SRP68: variants seen among roughly 807,000 people sequenced by gnomAD.
SRP68 encodes signal recognition particle 68.
In SRP68, 15 loss-of-function variants were observed where a neutral mutation model predicts 82.2. That is an observed-to-expected ratio of 0.18 (90% confidence interval 0.12 to 0.28). The LOEUF is 0.28. Ranked by LOEUF, SRP68 falls within the 10% of genes least tolerant of loss-of-function variation. The pLI is 1.00. For synonymous variants in SRP68, 261 were observed against 292.6 expected, an observed-to-expected ratio of 0.89 and a Z score of 1.10; for missense variants, 595 against 780.5, an observed-to-expected ratio of 0.76 and a Z score of 2.83.
chr17:76,050,323 C>T (rs569827240), intron 9 of SRP68, 105 bp downstream of exon 9: 3 of 773,212 alleles, frequency 3.9e-6, no homozygotes, highest in Non-Finnish European at 6.6e-6. Context: ...GAAACAGTGG[C>T]CAAGCGAGCA....
chr17:76,070,849 TGC>T (rs1491402434), intron 1 of SRP68, among the ~76,000 whole-genome samples: 9 of 69,708 alleles, frequency 1.3e-4, no homozygotes, highest in Non-Finnish European at 7.8e-5. Context: ...CACATGCACA[TGC>T]ACACACACAC....
chr17:76,046,250 A>T, intron 10 of SRP68, 56 bp from the exon 11 acceptor site: 2 of 1,516,094 alleles, frequency 1.3e-6, no homozygotes, highest in Non-Finnish European at 1.8e-6. Flanking sequence ...AGGAACTGGG[A>T]GGACTGGACT....
In SRP68 at chr17:76,039,016, C is replaced by T. The variant is rs1451419711; in HGVS notation, c.*690G>A. The T allele has an allele frequency of 1.5e-5, 3 of 203,732 alleles. No individual in the cohort carries two copies. Among genetic ancestry groups the T allele is most frequent in the African/African-American group, 2.3e-5 (1 of 43,680 alleles). The allele number at this position is 203,732 out of a possible 1,614,324, so 12.6% of individuals were successfully genotyped here. A position where few individuals can be genotyped will look rare whatever the true frequency, so the allele number is the denominator to read the frequency against. ...CTAGTTGCCGGTAAGTCAGGTTACA[C>T]TTGACCTCACCGGCTTCACGCAACT... On this transcript the variant is annotated 3_prime_UTR_variant, in exon 16 of 16. Coordinates refer to ENST00000307877, the MANE Select transcript of SRP68 (RefSeq NM_014230.4).
intron 15 of SRP68, among the ~76,000 whole-genome samples, 174 bp from the exon 16 acceptor site, chr17:76,040,107 G>A (rs892885714): frequency 6.6e-6 from 1 of 152,206 alleles, no homozygotes; most frequent in African/African-American, 2.4e-5. Flanking sequence ...TGTAGTCAAA[G>A]TCACTGAAAC....
rs1459841599 is a variant in SRP68, at chr17:76,042,106, G to A, written c.1525-1128C>T. On this transcript the variant is annotated intron_variant, in intron 13 of 15. Coordinates refer to ENST00000307877, the MANE Select transcript of SRP68 (RefSeq NM_014230.4). Reference sequence around the variant, plus strand: ...TCACTATGTTGGCCAGGATGGTCTCGATCTCCTGACCTCGTGATCTGCCCG... The same window carrying A: ...TCACTATGTTGGCCAGGATGGTCTCAATCTCCTGACCTCGTGATCTGCCCG... 3.9e-5 allele frequency among the ~76,000 whole-genome samples: 6 copies of A among 151,942 alleles called. No individual in the cohort carries two copies. The South Asian group carries it at 6.2e-4, about 16-fold the overall frequency.
At chr17:76,045,192 C>T in intron 12 of SRP68, 100 bp downstream of exon 12, 2 of 882,662 alleles carry the variant, frequency 2.3e-6, no homozygotes, top group South Asian at 3.1e-5. Context: ...TAACCATACA[C>T]TCAAGGCCAA....
intron 2 of SRP68, among the ~76,000 whole-genome samples, chr17:76,068,367 A>T (rs1472611106): frequency 1.3e-5 from 2 of 151,780 alleles, no homozygotes; most frequent in Non-Finnish European, 2.9e-5. Flanking sequence ...TGAGGCAGAG[A>T]ACTGCTTAAA....
rs750492998 is a variant in SRP68, at chr17:76,061,114, A to G, written c.750T>C (p.Asn250=). ...ISPNIRYCAY[N]IGDQSAINEL... is the part of the protein sequence containing the mutation. ...TGCCTTGATCCCTGCTCTCACCAATATTATATGCACAATAGCGGATGTTGG... is the reference window on the plus strand; with the variant it reads ...TGCCTTGATCCCTGCTCTCACCAATGTTATATGCACAATAGCGGATGTTGG... The change falls in exon 6 of 16, where the codon AAT becomes AAC. Residue 250 remains asparagine (N), a synonymous_variant. Coordinates refer to ENST00000307877, the MANE Select transcript of SRP68 (RefSeq NM_014230.4). 11 of 1,601,428 alleles carry G rather than the reference A, an allele frequency of 6.9e-6. No homozygotes were observed. In the South Asian group the frequency reaches 1.1e-4, roughly 16 times the overall value.
chr17:76,062,288 GA>G (rs61471954), intron 4 of SRP68, among the ~76,000 whole-genome samples: 58,277 of 117,130 alleles, frequency 0.5, 14,962 homozygotes, highest in African/African-American at 0.7. Context: ...CTCTGTCTCA[GA>G]AAAAAAAAAA....
intron 6 of SRP68, among the ~76,000 whole-genome samples, 190 bp downstream of exon 6, chr17:76,060,920 C>G (rs1399161234): frequency 6.6e-6 from 1 of 152,178 alleles, no homozygotes; most frequent in Non-Finnish European, 1.5e-5. Context: ...AGAAGCAGAA[C>G]CGTCTTCTAT....
In SRP68 at chr17:76,040,487, C is replaced by T. The variant is rs2066581294; in HGVS notation, c.1601-13G>A. On this transcript the variant is annotated splice_polypyrimidine_tract_variant and intron_variant, in intron 14 of 15. Transcript: ENST00000307877. Reference sequence around the variant, plus strand: ...GCGTCGTTTGCATCTGAAAGTTTCACAGGGATTCAGTAAGAACAAGGATTT... The same window carrying T: ...GCGTCGTTTGCATCTGAAAGTTTCATAGGGATTCAGTAAGAACAAGGATTT... 2 of 1,613,008 alleles carry T rather than the reference C, an allele frequency of 1.2e-6. No individual in the cohort carries two copies. Among genetic ancestry groups the T allele is most frequent in the South Asian group, 1.1e-5 (1 of 91,060 alleles).
intron 9 of SRP68, chr17:76,048,173 T>A: frequency 3.5e-6 from 1 of 287,946 alleles, no homozygotes; most frequent in Non-Finnish European, 6.7e-6. Flanking sequence ...ATCTAAAAAT[T>A]GACCTCAAAT....
rs527943625 is a variant in SRP68, at chr17:76,058,104, C to CT, written c.838-562dup. On this transcript the variant is annotated intron_variant, in intron 7 of 15. Transcript: ENST00000307877. ...CCTTTTGCCTCAGCCTCTCGAGCAG[C>CT]TAGGACTACAGGTATGTGTCACCAT... Among the ~76,000 whole-genome samples, 4 of 151,686 alleles carry CT rather than the reference C, an allele frequency of 2.6e-5. No homozygotes were observed. In the South Asian group the frequency reaches 6.3e-4, roughly 24 times the overall value.
chr17:76,049,821 T>C (rs2066658427), intron 9 of SRP68, among the ~76,000 whole-genome samples: 1 of 152,140 alleles, frequency 6.6e-6, no homozygotes, highest in African/African-American at 2.4e-5. Flanking sequence ...TTGGAGGCCA[T>C]TGCTCAATCC....
intron 8 of SRP68, among the ~76,000 whole-genome samples, chr17:76,051,376 C>T (rs190993135): frequency 1.8e-4 from 28 of 152,278 alleles, no homozygotes; most frequent in Admixed American, 1.7e-3. Flanking sequence ...GACTGGCAGA[C>T]CCACTGTGAA....
rs74425677 is a variant in SRP68, at chr17:76,059,082, C to T, written c.837+1226G>A. On this transcript the variant is annotated intron_variant, in intron 7 of 15. Coordinates refer to ENST00000307877, the MANE Select transcript of SRP68 (RefSeq NM_014230.4). Reference sequence around the variant, plus strand: ...GAAACACAGTGAGACTCTGTCTCTACCAAAAAACAAAAAAAAGTTAGCTAG... The same window carrying T: ...GAAACACAGTGAGACTCTGTCTCTATCAAAAAACAAAAAAAAGTTAGCTAG... Among the ~76,000 whole-genome samples the T allele has an allele frequency of 3.8e-3, 583 of 151,700 alleles. 1 individual carries two copies. Among genetic ancestry groups the T allele is most frequent in the Non-Finnish European group, 4.9e-3 (330 of 67,882 alleles).
At chr17:76,040,814 A>C in intron 14 of SRP68, 89 bp downstream of exon 14, 1 of 1,258,894 alleles carries the variant, frequency 7.9e-7, no homozygotes, top group Non-Finnish European at 1.1e-6. Context: ...CAACCCTTTC[A>C]ACCTTAAAAC....
rs1412727566 is a variant in SRP68, at chr17:76,071,608, GTTGA to G, written c.184+696_184+699del. Among the ~76,000 whole-genome samples, 2 of 152,190 alleles carry G rather than the reference GTTGA, an allele frequency of 1.3e-5. No homozygotes were observed. Among genetic ancestry groups the G allele is most frequent in the Non-Finnish European group, 2.9e-5 (2 of 68,036 alleles). On this transcript the variant is annotated intron_variant, in intron 1 of 15. Coordinates refer to ENST00000307877, the MANE Select transcript of SRP68 (RefSeq NM_014230.4). The surrounding 1 kb of genome is among the most constrained non-coding windows in gnomAD (Gnocchi z 4.7). Reference sequence around the variant, plus strand: ...AACTTTAAGCACATTAAGATGTCAAGTTGAATGTGTTATTTCAGAAACTCGCCTA... The same window carrying G: ...AACTTTAAGCACATTAAGATGTCAAGATGTGTTATTTCAGAAACTCGCCTA...
At chr17:76,041,713 G>A (rs2066591513) in intron 13 of SRP68, 4 of 152,002 alleles carry the variant, frequency 2.6e-5, no homozygotes, top group Admixed American at 1.3e-4. Flanking sequence ...TTTGCTTGGG[G>A]TCTCTTTTAT....
Sources: allele counts gnomAD v4.1 joint callset (sites outside exome capture counted in the v4.1 genomes callset), GRCh38; gene constraint gnomAD v4.1.1; non-coding constraint Gnocchi (gnomAD v3.1); transcripts MANE v1.5; gene names NCBI Gene and HGNC (gene_info 2026-07-23, HGNC 2026-07-21).